OR2A14: variants seen among roughly 807,000 people sequenced by gnomAD.
OR2A14 encodes olfactory receptor 2A14.
OR2A14 carries 2 observed loss-of-function variants against 2.4 expected under a neutral mutation model. The observed-to-expected ratio is 0.85, with a 90% confidence interval of 0.35 to 2.67. The LOEUF (loss-of-function observed/expected upper bound fraction) is 2.67, where lower values mean the gene tolerates loss of function less well. OR2A14 is among the 30% of genes most tolerant of loss of function. The pLI, the probability that OR2A14 is intolerant of heterozygous loss-of-function variation, is 0.10. For synonymous variants in OR2A14, 160 were observed against 156.3 expected (o/e 1.02, Z -0.18); for missense variants, 390 against 379.4 (o/e 1.03, Z -0.23).
chr7:144,127,719 CTAAAA>C (rs1265050807), intron 1 of OR2A14, among the ~76,000 whole-genome samples: 1 of 152,032 alleles, frequency 6.6e-6, no homozygotes, highest in Non-Finnish European at 1.5e-5. Context: ...TACGTATTTA[CTAAAA>C]TAAAAGACAT....
At position 144,129,929 on chromosome 7, in the gene OR2A14, C is replaced by T; in HGVS notation, c.817C>T (p.Leu273Phe). The change falls in exon 2 of 2, where the codon CTT (leucine) becomes TTT (phenylalanine). Residue 273 changes from leucine (L) to phenylalanine (F), a missense_variant. Transcript: ENST00000641068. The part of the protein sequence containing the change: ...SRHPEEQQKV[L>F]SLFYSLFNPM... ...CCATCCTGAGGAGCAGCAGAAAGTT[C>T]TTTCCCTGTTTTACAGCCTTTTCAA... 9 of 1,614,202 alleles carry T rather than the reference C, an allele frequency of 5.6e-6. No homozygotes were observed. Among genetic ancestry groups the T allele is most frequent in the Non-Finnish European group, 7.6e-6 (9 of 1,180,032 alleles).
Position 144,130,009 on chromosome 7 carries a change from CCTGAGGAGGGCA to C in OR2A14, c.905_916del (p.Arg302_Arg305del). 6.2e-7 allele frequency: 1 copy of C among 1,613,860 alleles called. No homozygotes were observed. Among genetic ancestry groups the C allele is most frequent in the South Asian group, 1.1e-5 (1 of 91,066 alleles). On this transcript the variant is annotated inframe_deletion, in exon 2 of 2. Coordinates refer to ENST00000641068, the MANE Select transcript of OR2A14 (RefSeq NM_001001659.3). ...TAAGGAATGCAGAGGTCAAGGGCGC[CCTGAGGAGGGCA>C]CTGAGGAAGGAGAGGCTGACGTGAG...
chr7:144,129,056 G>T, intron 1 of OR2A14, 23 bp from the exon 2 acceptor site: 1 of 1,345,938 alleles, frequency 7.4e-7, no homozygotes, highest in Non-Finnish European at 1.0e-6. Flanking sequence ...TGCTCCCTCT[G>T]TGCATCTTTG....
chr7:144,127,995 C>G (rs1406691439), intron 1 of OR2A14, among the ~76,000 whole-genome samples: 2 of 152,148 alleles, frequency 1.3e-5, no homozygotes, highest in Non-Finnish European at 2.9e-5. Flanking sequence ...GATCCCATCC[C>G]CATCACATGC....
intron 1 of OR2A14, among the ~76,000 whole-genome samples, chr7:144,128,552 T>C (rs1166098458): frequency 6.6e-6 from 1 of 152,150 alleles, no homozygotes; most frequent in African/African-American, 2.4e-5. Context: ...GAAAGCTATT[T>C]AAAAGTGATT....
chr7:144,129,124 C>A lies in OR2A14; in HGVS notation c.12C>A (p.Asn4Lys). The part of the protein sequence containing the change: MEG[N>K]KTWITDITLP... Reference sequence around the variant, plus strand: ...ATGTCCACAAGAGCATGGAAGGCAACAAGACATGGATCACAGACATCACCT... The same window carrying A: ...ATGTCCACAAGAGCATGGAAGGCAAAAAGACATGGATCACAGACATCACCT... Residue 4 changes from asparagine to lysine, a missense_variant, in exon 2 of 2, where the codon AAC becomes AAA. Coordinates refer to ENST00000641068, the MANE Select transcript of OR2A14 (RefSeq NM_001001659.3). The A allele has an allele frequency of 6.2e-7, 1 of 1,612,604 alleles. No individual in the cohort carries two copies. Among genetic ancestry groups the A allele is most frequent in the Non-Finnish European group, 8.5e-7 (1 of 1,178,994 alleles).
At chr7:144,124,180 C>A (rs985023196) in intron 1 of OR2A14, among the ~76,000 whole-genome samples, 1 of 152,052 alleles carries the variant, frequency 6.6e-6, no homozygotes, top group Non-Finnish European at 1.5e-5. Flanking sequence ...CACTAGGCTG[C>A]GGCCGGGTGC....
At chr7:144,128,176 T>C (rs750557772) in intron 1 of OR2A14, among the ~76,000 whole-genome samples, 3 of 152,204 alleles carry the variant, frequency 2.0e-5, no homozygotes, top group Non-Finnish European at 4.4e-5. Flanking sequence ...TGTCAACATA[T>C]TAAGTTATAA....
At chr7:144,128,430 C>T (rs2051498920) in intron 1 of OR2A14, among the ~76,000 whole-genome samples, 1 of 152,138 alleles carries the variant, frequency 6.6e-6, no homozygotes. Context: ...CAAAATAAAA[C>T]TACAAACACC....
intron 1 of OR2A14, among the ~76,000 whole-genome samples, chr7:144,126,205 T>A (rs1055030859): frequency 2.0e-5 from 3 of 152,246 alleles, no homozygotes; most frequent in African/African-American, 7.2e-5. Context: ...TACATACATA[T>A]CTTTTAACTG....
At position 144,130,874 on chromosome 7, in the gene OR2A14, T is replaced by G. The variant is rs1234239922; in HGVS notation, c.*829T>G. The G allele has an allele frequency of 6.6e-6, 1 of 152,188 alleles. No individual in the cohort carries two copies. The highest frequency in any genetic ancestry group is 1.5e-5 in the Non-Finnish European group (1 of 68,038). The allele number at this position is 152,188 out of a possible 1,614,324, so 9.4% of individuals were successfully genotyped here. ...CTCTGACAAAAGCAGCCATAGACAA[T>G]GTGTAAACAAATGGGTGTGCCCGTG... is the stretch of plus-strand genomic sequence containing the variant. On this transcript the variant is annotated 3_prime_UTR_variant, in exon 2 of 2. Coordinates refer to ENST00000641068, the MANE Select transcript of OR2A14 (RefSeq NM_001001659.3).
At chr7:144,123,973 A>G (rs1275100277) in intron 1 of OR2A14, among the ~76,000 whole-genome samples, 1 of 152,062 alleles carries the variant, frequency 6.6e-6, no homozygotes, top group Non-Finnish European at 1.5e-5. Flanking sequence ...TATCTAAAAA[A>G]CCTAAGTTCT....
chr7:144,131,169 G>T lies in OR2A14; in HGVS notation c.*1124G>T, dbSNP rs2051529369. The T allele has an allele frequency of 6.6e-6, 1 of 152,192 alleles. No individual in the cohort carries two copies. Among genetic ancestry groups the T allele is most frequent in the Admixed American group, 6.5e-5 (1 of 15,276 alleles). 9.4% of individuals were successfully genotyped at this position (152,192 alleles called of 1,614,324 possible). A position where few individuals can be genotyped will look rare whatever the true frequency, so the allele number is the denominator to read the frequency against. On this transcript the variant is annotated 3_prime_UTR_variant, in exon 2 of 2. Transcript: ENST00000641068. ...GCCATGACTCAATAGCCAGTGGACT[G>T]TAAATATTCATGGTTTCTCCATCAC...
intron 1 of OR2A14, among the ~76,000 whole-genome samples, chr7:144,124,643 T>G (rs1227198300): frequency 6.6e-6 from 1 of 152,068 alleles, no homozygotes; most frequent in African/African-American, 2.4e-5. Flanking sequence ...CAATAGAAAC[T>G]TTTCTTTTGT....
intron 1 of OR2A14, among the ~76,000 whole-genome samples, chr7:144,125,266 TTC>T (rs1168956972): frequency 2.0e-5 from 3 of 152,250 alleles, no homozygotes; most frequent in African/African-American, 4.8e-5. Flanking sequence ...CCATATTTTT[TTC>T]TGTCACTGCT....
chr7:144,129,460 G>A lies in OR2A14; in HGVS notation c.348G>A (p.Val116=). The change falls in exon 2 of 2, where the codon GTG becomes GTA. Residue 116 remains valine, a synonymous_variant. Coordinates refer to ENST00000641068, the MANE Select transcript of OR2A14 (RefSeq NM_001001659.3). The part of the protein sequence containing the change: ...FAHVECLILV[V]MSYDRYADIC... ...ACGTAGAGTGTCTGATTTTGGTGGT[G>A]ATGTCCTATGATCGCTATGCGGACA... The A allele has an allele frequency of 6.2e-7, 1 of 1,613,986 alleles. No homozygotes were observed. The highest frequency in any genetic ancestry group is 8.5e-7 in the Non-Finnish European group (1 of 1,179,890).
At position 144,129,938 on chromosome 7, in the gene OR2A14, T is replaced by C. The variant is rs2051518498; in HGVS notation, c.826T>C (p.Phe276Leu). The change falls in exon 2 of 2, where the codon TTT becomes CTT. Residue 276 changes from phenylalanine (F) to leucine (L), a missense_variant. Phe to Leu is a conservative substitution (Grantham distance 22). Transcript: ENST00000641068. Reference protein sequence around the residue: ...PEEQQKVLSLFYSLFNPMLNP... With the variant: ...PEEQQKVLSLLYSLFNPMLNP... ...GGAGCAGCAGAAAGTTCTTTCCCTG[T>C]TTTACAGCCTTTTCAATCCAATGCT... 6.2e-7 allele frequency: 1 copy of C among 1,614,126 alleles called. No homozygotes were observed. Among genetic ancestry groups the C allele is most frequent in the Non-Finnish European group, 8.5e-7 (1 of 1,180,010 alleles).
At chr7:144,129,023 C>G in intron 1 of OR2A14, 56 bp from the exon 2 acceptor site, 1 of 1,039,532 alleles carries the variant, frequency 9.6e-7, no homozygotes, top group Non-Finnish European at 1.4e-6. Flanking sequence ...CTAGAAAATT[C>G]ATTCAAAGTT....
At position 144,130,248 on chromosome 7, in the gene OR2A14, A is replaced by T; in HGVS notation, c.*203A>T. ...ACTGGATAGGCATAAATTCATAAAG[A>T]AGACACAAAAGTCCCTAGATATAAA... On this transcript the variant is annotated 3_prime_UTR_variant, in exon 2 of 2. Coordinates refer to ENST00000641068, the MANE Select transcript of OR2A14 (RefSeq NM_001001659.3). 2.3e-6 allele frequency: 1 copy of T among 434,788 alleles called. No homozygotes were observed. The highest frequency in any genetic ancestry group is 4.0e-6 in the Non-Finnish European group (1 of 250,170). The allele number at this position is 434,788 out of a possible 1,614,324, so 26.9% of individuals were successfully genotyped here. A position where few individuals can be genotyped will look rare whatever the true frequency, so the allele number is the denominator to read the frequency against.
Sources: gnomAD v4.1 joint callset for allele counts (sites outside exome capture counted in the v4.1 genomes callset) on GRCh38, gnomAD v4.1.1 for gene constraint, MANE v1.5 for transcripts, NCBI Gene and HGNC (gene_info 2026-07-23, HGNC 2026-07-21) for gene names.